CSMD1: variants seen among roughly 807,000 people sequenced by gnomAD.
CSMD1 encodes the protein CUB and sushi domain-containing protein 1.
A neutral mutation model predicts 417.5 loss-of-function variants in CSMD1; 213 were observed. The ratio of observed to expected loss-of-function variants is 0.51; its 90% CI spans 0.46 to 0.57. The LOEUF is 0.57. CSMD1 is among the 20% of genes least tolerant of loss of function. CSMD1 has a pLI of 0.00. For synonymous variants in CSMD1, 2,862 were observed against 1,736.8 expected, an observed-to-expected ratio of 1.65 and a Z score of -16.11; for missense variants, 6,923 against 4,529.7, an observed-to-expected ratio of 1.53 and a Z score of -15.17.
intron 7 of CSMD1, among the ~76,000 whole-genome samples, chr8:3,652,920 A>G (rs1486868045): frequency 5.9e-5 from 9 of 152,230 alleles, no homozygotes; most frequent in African/African-American, 1.9e-4. Flanking sequence ...GAATGAATAA[A>G]TGAACACCAC....
intron 3 of CSMD1, among the ~76,000 whole-genome samples, chr8:4,340,309 C>T (rs1479569437): frequency 6.6e-6 from 1 of 152,014 alleles, no homozygotes; most frequent in Non-Finnish European, 1.5e-5. Flanking sequence ...AAGGCATCTC[C>T]ATCCAAACCC....
chr8:4,896,160 G>T (rs935822525), intron 1 of CSMD1, among the ~76,000 whole-genome samples: 7 of 152,046 alleles, frequency 4.6e-5, no homozygotes, highest in African/African-American at 1.7e-4. Flanking sequence ...ACATTTGAAA[G>T]ATTGTTTCCT....
chr8:3,917,599 T>A (rs1808916581), intron 5 of CSMD1, among the ~76,000 whole-genome samples: 1 of 83,056 alleles, frequency 1.2e-5, no homozygotes, highest in Non-Finnish European at 2.4e-5. Flanking sequence ...AAGTTCAGAT[T>A]GGCTTCATAT....
intron 5 of CSMD1, among the ~76,000 whole-genome samples, chr8:3,813,091 G>GTT (rs10714284): frequency 0.021 from 2,871 of 135,458 alleles, 36 homozygotes; most frequent in South Asian, 0.041. Context: ...TTTTAAGCTA[G>GTT]TTTTTTTTTT....
At chr8:3,374,109 C>G (rs970004780) in intron 18 of CSMD1, among the ~76,000 whole-genome samples, 7 of 152,076 alleles carry the variant, frequency 4.6e-5, no homozygotes, top group African/African-American at 1.2e-4. Context: ...TGTATCACCA[C>G]AGCCAGCTAA....
chr8:4,855,636 A>C (rs910160088), intron 1 of CSMD1, among the ~76,000 whole-genome samples: 2 of 152,374 alleles, frequency 1.3e-5, no homozygotes, highest in African/African-American at 4.8e-5. Flanking sequence ...TCTGGAGCCA[A>C]TGCAATCAAC....
intron 1 of CSMD1, among the ~76,000 whole-genome samples, chr8:4,782,572 A>C (rs980342726): frequency 1.3e-5 from 2 of 152,154 alleles, no homozygotes; most frequent in African/African-American, 4.8e-5. Flanking sequence ...CTGAGCTTAG[A>C]AACACCTACA....
At chr8:3,946,480 G>C (rs866292428) in intron 5 of CSMD1, among the ~76,000 whole-genome samples, 15 of 152,024 alleles carry the variant, frequency 9.9e-5, no homozygotes, top group Admixed American at 7.2e-4. Context: ...CTCCCACTTT[G>C]TTCTTTTTAA....
intron 3 of CSMD1, among the ~76,000 whole-genome samples, chr8:4,083,836 C>G (rs915647326): frequency 4.6e-5 from 7 of 152,194 alleles, no homozygotes; most frequent in East Asian, 1.9e-4. Flanking sequence ...CCAAAATTGA[C>G]AAATGGGATC....
At chr8:3,873,886 G>C (rs1585122940) in intron 5 of CSMD1, among the ~76,000 whole-genome samples, 1 of 152,250 alleles carries the variant, frequency 6.6e-6, no homozygotes, top group South Asian at 2.1e-4. Flanking sequence ...CAGACTGGCT[G>C]AACTGGGGGA....
intron 3 of CSMD1, among the ~76,000 whole-genome samples, chr8:4,118,985 A>C (rs946757820): frequency 6.6e-6 from 1 of 152,160 alleles, no homozygotes; most frequent in African/African-American, 2.4e-5. Context: ...GCAAACTAAC[A>C]CAAGAACGGC....
chr8:3,585,294 T>C (rs988649064), intron 9 of CSMD1, among the ~76,000 whole-genome samples: 4 of 152,188 alleles, frequency 2.6e-5, no homozygotes, highest in African/African-American at 9.7e-5. Flanking sequence ...AAGTTTAAAA[T>C]GTATAAGTCC....
intron 10 of CSMD1, among the ~76,000 whole-genome samples, chr8:3,513,652 T>G (rs1054728141): frequency 6.6e-6 from 1 of 152,208 alleles, no homozygotes; most frequent in African/African-American, 2.4e-5. Context: ...TCTAAGACAG[T>G]CTACCAGCCA....
chr8:3,980,960 G>C (rs983350744), intron 5 of CSMD1, among the ~76,000 whole-genome samples: 1 of 152,136 alleles, frequency 6.6e-6, no homozygotes, highest in South Asian at 2.1e-4. Flanking sequence ...ATAAAGAGTA[G>C]GGGCCCTGCT....
intron 3 of CSMD1, among the ~76,000 whole-genome samples, chr8:4,217,383 T>G (rs1800748010): frequency 6.6e-6 from 1 of 152,202 alleles, no homozygotes; most frequent in African/African-American, 2.4e-5. Flanking sequence ...GGAACTTCAT[T>G]TCATGAAATA....
At chr8:3,359,993 G>C (rs1214452227) in intron 20 of CSMD1, among the ~76,000 whole-genome samples, 1 of 152,146 alleles carries the variant, frequency 6.6e-6, no homozygotes, top group African/African-American at 2.4e-5. Context: ...TGCTTAAATT[G>C]GTTACTGTAT....
chr8:3,391,621 T>G (rs2116831807), intron 17 of CSMD1, among the ~76,000 whole-genome samples: 1 of 152,284 alleles, frequency 6.6e-6, no homozygotes, highest in South Asian at 2.1e-4. Context: ...CAATTCTAGG[T>G]TTGCTTTTAC....
intron 10 of CSMD1, among the ~76,000 whole-genome samples, chr8:3,495,005 C>T (rs1383462054): frequency 6.6e-6 from 1 of 152,170 alleles, no homozygotes; most frequent in African/African-American, 2.4e-5. Flanking sequence ...GAATACATTA[C>T]ATTTGCTACT....
At chr8:3,545,844 G>T (rs933088611) in intron 10 of CSMD1, among the ~76,000 whole-genome samples, 1 of 152,272 alleles carries the variant, frequency 6.6e-6, no homozygotes, top group Middle Eastern at 3.4e-3. Context: ...GAGTCTATTG[G>T]CCACAAAAAG....
Sources: gnomAD v4.1 joint callset for allele counts (sites outside exome capture counted in the v4.1 genomes callset) on GRCh38, gnomAD v4.1.1 for gene constraint, MANE v1.5 for transcripts, NCBI Gene and HGNC (gene_info 2026-07-23, HGNC 2026-07-21) for gene names.